The following CUL5 variants were observed in gnomAD, a reference collection of about 807,000 sequenced individuals.
The protein encoded by CUL5 is cullin-5.
In CUL5, 26 loss-of-function variants were observed where a neutral mutation model predicts 108.8. The ratio of observed to expected loss-of-function variants is 0.24; its 90% CI spans 0.18 to 0.33. CUL5 has a LOEUF of 0.33. CUL5 is among the 10% of genes least tolerant of loss of function. The pLI, the probability that CUL5 is intolerant of heterozygous loss-of-function variation, is 1.00. For synonymous variants in CUL5, 334 were observed against 298.0 expected (o/e 1.12, Z -1.25); for missense variants, 524 against 909.2 (o/e 0.58, Z 5.45).
intron 3 of CUL5, among the ~76,000 whole-genome samples, chr11:108,047,045 C>T (rs1171254364): frequency 6.6e-6 from 1 of 152,086 alleles, no homozygotes; most frequent in African/African-American, 2.4e-5. Flanking sequence ...GGACAGGGCA[C>T]AGTAGCTCAG....
intron 1 of CUL5, among the ~76,000 whole-genome samples, chr11:108,012,682 C>T (rs554351954): frequency 1.5e-4 from 22 of 148,946 alleles, no homozygotes; most frequent in Non-Finnish European, 2.7e-4. Context: ...CTGCAACCTC[C>T]GCCTCCCAGG....
At chr11:108,010,602 G>A (rs1378811082) in intron 1 of CUL5, among the ~76,000 whole-genome samples, 2 of 152,166 alleles carry the variant, frequency 1.3e-5, no homozygotes, top group Non-Finnish European at 2.9e-5. Context: ...CTGTATCATA[G>A]GAACATTGTG....
chr11:108,068,214 C>A (rs899303974), intron 7 of CUL5, among the ~76,000 whole-genome samples: 2 of 152,162 alleles, frequency 1.3e-5, no homozygotes, highest in African/African-American at 4.8e-5. Flanking sequence ...CCACCACGCC[C>A]AGCCATGTGT....
In CUL5 at chr11:108,077,373, G is replaced by A. The variant is rs558390475; in HGVS notation, c.1114-803G>A. The stretch of plus-strand genomic sequence containing the variant: ...ACAAGAACAGTTGTGTAGGCTGGGT[G>A]TGGTGGCTTACGCCTGTAATCCAGC... On this transcript the variant is annotated intron_variant, in intron 10 of 18. Transcript: ENST00000393094. Among the ~76,000 whole-genome samples the A allele has an allele frequency of 3.9e-5, 6 of 152,268 alleles. No individual in the cohort carries two copies. The South Asian group carries it at 8.3e-4, about 21-fold the overall frequency.
chr11:108,088,985 C>G (rs778107705), intron 12 of CUL5, among the ~76,000 whole-genome samples: 1 of 151,778 alleles, frequency 6.6e-6, no homozygotes, highest in Non-Finnish European at 1.5e-5. Context: ...TCACTCCTTC[C>G]TTTTTGTGAG....
At chr11:108,014,902 T>A (rs74707154) in intron 1 of CUL5, among the ~76,000 whole-genome samples, 16,651 of 150,272 alleles carry the variant, frequency 0.11, 928 homozygotes, top group South Asian at 0.13. Context: ...TATTATTATT[T>A]TTATTTTTAT....
At chr11:108,074,774 C>A in intron 10 of CUL5, among the ~76,000 whole-genome samples, 1 of 151,752 alleles carries the variant, frequency 6.6e-6, no homozygotes, top group East Asian at 2.0e-4. Flanking sequence ...CCATTGCACT[C>A]CAGCCTGGGC....
chr11:108,075,306 T>C (rs752143531), intron 10 of CUL5, among the ~76,000 whole-genome samples: 24 of 152,100 alleles, frequency 1.6e-4, no homozygotes, highest in Middle Eastern at 6.3e-3. Context: ...GCAAGGAAAC[T>C]TATTTAAAAC....
rs569021865 is a variant in CUL5 at position 108,093,673 on chromosome 11, A to G, written c.1444-718A>G. 9.7e-4 allele frequency among the ~76,000 whole-genome samples: 148 copies of G among 152,352 alleles called. 1 individual carries two copies. The highest frequency in any genetic ancestry group is 2.1e-3 in the African/African-American group (88 of 41,596). On this transcript the variant is annotated intron_variant, in intron 13 of 18. Transcript: ENST00000393094. ...GTCTGCAGTTTAACTGAATAAACAA[A>G]TGACTAATAGGTTGTGTTTACATTT...
intron 5 of CUL5, among the ~76,000 whole-genome samples, chr11:108,053,470 A>G: frequency 6.6e-6 from 1 of 152,090 alleles, no homozygotes; most frequent in Non-Finnish European, 1.5e-5. Flanking sequence ...TTAGTTATCA[A>G]GCCTTTAGAT....
At chr11:108,074,888 G>A (rs1396564079) in intron 10 of CUL5, among the ~76,000 whole-genome samples, 1 of 152,144 alleles carries the variant, frequency 6.6e-6, no homozygotes, top group Non-Finnish European at 1.5e-5. Flanking sequence ...GGTGGGCGTG[G>A]TGTGAAGTCT....
Position 108,095,518 on chromosome 11 carries a change from T to C in CUL5, c.1744-12T>C. The C allele has an allele frequency of 1.3e-6, 2 of 1,520,182 alleles. No individual in the cohort carries two copies. Among genetic ancestry groups the C allele is most frequent in the Admixed American group, 1.9e-5 (1 of 51,568 alleles). The allele number at this position is 1,520,182 out of a possible 1,614,324, so 94.2% of individuals were successfully genotyped here. On this transcript the variant is annotated splice_polypyrimidine_tract_variant and intron_variant, in intron 15 of 18. Coordinates refer to ENST00000393094, the MANE Select transcript of CUL5 (RefSeq NM_003478.6). ...GAGATTCTTTATTAAAAATCTGTTT[T>C]ATCTATTATAGATAACATTTAAGAA...
chr11:108,057,948 C>T (rs1236202766), intron 7 of CUL5, among the ~76,000 whole-genome samples: 7 of 152,038 alleles, frequency 4.6e-5, no homozygotes, highest in African/African-American at 1.7e-4. Context: ...CAGTGGCTCA[C>T]GCCTGTAATC....
chr11:108,106,612 A>G lies in CUL5; in HGVS notation c.*2228A>G, dbSNP rs1174735871. On this transcript the variant is annotated 3_prime_UTR_variant, in exon 19 of 19. Transcript: ENST00000393094. ...GGTGTTTATGAAAATCATTTAGTTG[A>G]CAAGGTGCCTATGCCATTGTTAAAT... 1 of 149,478 alleles carries G rather than the reference A, an allele frequency of 6.7e-6. No homozygotes were observed. The highest frequency in any genetic ancestry group is 1.5e-5 in the Non-Finnish European group (1 of 67,480). 9.3% of individuals were successfully genotyped at this position (149,478 alleles called of 1,614,324 possible).
chr11:108,097,076 G>T (rs944121658), intron 16 of CUL5, among the ~76,000 whole-genome samples: 1 of 152,088 alleles, frequency 6.6e-6, no homozygotes, highest in Non-Finnish European at 1.5e-5. Context: ...GGAGTTCAGT[G>T]GCACAATCTC....
At chr11:108,047,509 T>G (rs1468126661) in intron 3 of CUL5, among the ~76,000 whole-genome samples, 1 of 152,230 alleles carries the variant, frequency 6.6e-6, no homozygotes, top group African/African-American at 2.4e-5. Context: ...TATGTATGAC[T>G]TAAGATATTG....
chr11:108,067,710 T>C (rs938532552), intron 7 of CUL5, among the ~76,000 whole-genome samples: 5 of 152,192 alleles, frequency 3.3e-5, no homozygotes, highest in Admixed American at 1.3e-4. Flanking sequence ...GCTTAGAGTT[T>C]ATTAGGATTC....
chr11:108,080,042 T>G (rs1025984464), intron 11 of CUL5, among the ~76,000 whole-genome samples: 1 of 152,146 alleles, frequency 6.6e-6, no homozygotes, highest in Admixed American at 6.6e-5. Flanking sequence ...ATTTGGGATG[T>G]ATGTAGTAGT....
chr11:108,101,784 C>T (rs564916616), intron 18 of CUL5, among the ~76,000 whole-genome samples: 6 of 152,172 alleles, frequency 3.9e-5, no homozygotes, highest in Non-Finnish European at 8.8e-5. Flanking sequence ...CTCTAACTAC[C>T]ACCTTCACCT....
Sources: gnomAD v4.1 joint callset for allele counts (sites outside exome capture counted in the v4.1 genomes callset) on GRCh38, gnomAD v4.1.1 for gene constraint, MANE v1.5 for transcripts, NCBI Gene and HGNC (gene_info 2026-07-23, HGNC 2026-07-21) for gene names.